Variants in ATP7B observed in about 807,000 individuals in gnomAD.
ATP7B encodes the protein ATPase copper transporting beta.
In ATP7B, 113 loss-of-function variants were observed where a neutral mutation model predicts 118.9. The observed-to-expected ratio is 0.95, with a 90% confidence interval of 0.82 to 1.11. The LOEUF is 1.11. Among genes scored for constraint, ATP7B ranks in the 50% most tolerant of loss-of-function variants. The pLI, the probability that ATP7B is intolerant of heterozygous loss-of-function variation, is 0.00. For missense variants in ATP7B, 1,867 were observed against 1,871.4 expected, an observed-to-expected ratio of 1.00 and a Z score of 0.04; for synonymous variants, 777 against 727.4, an observed-to-expected ratio of 1.07 and a Z score of -1.10.
chr13:51,952,779 C>G (rs921994523), intron 9 of ATP7B, among the ~76,000 whole-genome samples: 1 of 152,188 alleles, frequency 6.6e-6, no homozygotes, highest in Admixed American at 6.5e-5. Context: ...GTGGCTACTT[C>G]CTGTGATTAC....
rs141924296 is a variant in ATP7B at position 51,961,745 on chromosome 13, C to T, written c.1946+92G>A. 7,198 of 1,239,966 alleles carry T rather than the reference C, an allele frequency of 5.8e-3. 44 individuals carry two copies. Among genetic ancestry groups the T allele is most frequent in the Non-Finnish European group, 6.4e-3 (5,363 of 844,104 alleles). The allele number at this position is 1,239,966 out of a possible 1,614,324, so 76.8% of individuals were successfully genotyped here. Reference sequence around the variant, plus strand: ...GGCAGCTAATCCAGGAGGAAGGCACCATGGGAAGACAAGACCAGCTGGCAG... The same window carrying T: ...GGCAGCTAATCCAGGAGGAAGGCACTATGGGAAGACAAGACCAGCTGGCAG... On this transcript the variant is annotated intron_variant, in intron 6 of 20. Coordinates refer to ENST00000242839, the MANE Select transcript of ATP7B (RefSeq NM_000053.4).
intron 13 of ATP7B, among the ~76,000 whole-genome samples, chr13:51,945,158 G>A (rs966447182): frequency 3.9e-5 from 6 of 152,074 alleles, no homozygotes; most frequent in African/African-American, 7.2e-5. Flanking sequence ...CACTGCAGCC[G>A]GAATGATCTT....
At chr13:51,992,451 A>G (rs528400338) in intron 1 of ATP7B, among the ~76,000 whole-genome samples, 21 of 152,334 alleles carry the variant, frequency 1.4e-4, no homozygotes, top group Non-Finnish European at 2.2e-4. Context: ...TACCTACTAA[A>G]GTTGTTAAAA....
At chr13:51,995,035 AGAAG>A (rs1593852351) in intron 1 of ATP7B, among the ~76,000 whole-genome samples, 1 of 152,244 alleles carries the variant, frequency 6.6e-6, no homozygotes. Flanking sequence ...ATTAGTAAAA[AGAAG>A]GAAGGATTCA....
chr13:51,984,407 A>G (rs943642491), intron 1 of ATP7B, among the ~76,000 whole-genome samples: 2 of 152,176 alleles, frequency 1.3e-5, no homozygotes, highest in Admixed American at 6.6e-5. Context: ...AAGAAATATA[A>G]GACTATGTGA....
chr13:52,005,834 C>T (rs1357368938), intron 1 of ATP7B, among the ~76,000 whole-genome samples: 1 of 152,196 alleles, frequency 6.6e-6, no homozygotes, highest in African/African-American at 2.4e-5. Context: ...GGAACAGGCC[C>T]CCCAAAATCT....
In ATP7B at chr13:51,933,198, A is replaced by T. The variant is rs886050298; in HGVS notation, c.*1558T>A. 1.8e-4 allele frequency: 28 copies of T among 152,108 alleles called. No homozygotes were observed. Among genetic ancestry groups the T allele is most frequent in the Non-Finnish European group, 3.1e-4 (21 of 68,014 alleles). The allele number at this position is 152,108 out of a possible 1,614,324, so 9.4% of individuals were successfully genotyped here. ...TTCCTCGTTTATTCTTATCAGGAAA[A>T]CTTCTATTCAAGGTAGAAGGACAAT... On this transcript the variant is annotated 3_prime_UTR_variant, in exon 21 of 21. Coordinates refer to ENST00000242839, the MANE Select transcript of ATP7B (RefSeq NM_000053.4).
chr13:51,995,565 C>T (rs1316242819), intron 1 of ATP7B, among the ~76,000 whole-genome samples: 8 of 152,172 alleles, frequency 5.3e-5, no homozygotes. Flanking sequence ...GAGTTCACGG[C>T]CACGGCTTCC....
At chr13:51,981,449 A>G (rs1952413319) in intron 1 of ATP7B, among the ~76,000 whole-genome samples, 1 of 152,230 alleles carries the variant, frequency 6.6e-6, no homozygotes, top group Admixed American at 6.5e-5. Flanking sequence ...GAGAAGGCAC[A>G]CAAGACACAA....
chr13:51,966,055 C>T (rs1951531307), intron 4 of ATP7B, among the ~76,000 whole-genome samples: 2 of 152,190 alleles, frequency 1.3e-5, no homozygotes, highest in South Asian at 4.1e-4. Flanking sequence ...TGGCAGGTGA[C>T]TGCCAACAGA....
At chr13:52,006,048 G>A (rs928331083) in intron 1 of ATP7B, among the ~76,000 whole-genome samples, 3 of 152,242 alleles carry the variant, frequency 2.0e-5, no homozygotes, top group African/African-American at 7.2e-5. Context: ...TTAAGGGCAT[G>A]TTCCTGCTGC....
upstream of ATP7B, among the ~76,000 whole-genome samples, chr13:52,011,820 G>T (rs957134915): frequency 1.3e-5 from 2 of 152,272 alleles, no homozygotes; most frequent in African/African-American, 4.8e-5. Flanking sequence ...TCACGCGTGT[G>T]CGGGAGCGGG....
rs1048447368 is a variant in ATP7B at position 51,938,987 on chromosome 13, G to A, written c.3699+64C>T. ...ACAGCTCAGTGCTGGGCCAACTGGTGCTTACTTTTGTCTCTAACTGCTTTT... is the reference window on the plus strand; with the variant it reads ...ACAGCTCAGTGCTGGGCCAACTGGTACTTACTTTTGTCTCTAACTGCTTTT... On this transcript the variant is annotated intron_variant, in intron 17 of 20. Coordinates refer to ENST00000242839, the MANE Select transcript of ATP7B (RefSeq NM_000053.4). 6 of 1,613,096 alleles carry A rather than the reference G, an allele frequency of 3.7e-6. No homozygotes were observed. In the East Asian group the frequency reaches 1.3e-4, roughly 36 times the overall value.
intron 20 of ATP7B, 72 bp downstream of exon 20, chr13:51,935,521 A>T: frequency 2.1e-6 from 3 of 1,461,196 alleles, no homozygotes; most frequent in Admixed American, 1.9e-5. Flanking sequence ...GGCAAGTTCC[A>T]CTGTGCTAAG....
intron 1 of ATP7B, among the ~76,000 whole-genome samples, chr13:51,997,993 A>C (rs1172462653): frequency 6.6e-6 from 1 of 152,176 alleles, no homozygotes; most frequent in East Asian, 1.9e-4. Flanking sequence ...CCTAGGCTAC[A>C]GTATTAAGTC....
chr13:51,993,471 G>A (rs553617052), intron 1 of ATP7B, among the ~76,000 whole-genome samples: 1 of 152,194 alleles, frequency 6.6e-6, no homozygotes, highest in South Asian at 2.1e-4. Flanking sequence ...GCTGAGGCAG[G>A]AAAATCATTT....
chr13:51,945,547 C>A (rs1261318405), intron 13 of ATP7B, among the ~76,000 whole-genome samples: 1 of 152,210 alleles, frequency 6.6e-6, no homozygotes, highest in Non-Finnish European at 1.5e-5. Context: ...ACCTGCAGCA[C>A]CCTTGTCCCT....
At chr13:52,011,607 G>A, upstream of ATP7B, 1 of 582,552 alleles carries the variant, frequency 1.7e-6, no homozygotes, top group Non-Finnish European at 3.1e-6. Context: ...CGTGAGGGGA[G>A]AGTGGGCCTC....
chr13:51,943,876 C>T (rs565718194), intron 14 of ATP7B, among the ~76,000 whole-genome samples: 4 of 152,120 alleles, frequency 2.6e-5, no homozygotes, highest in African/African-American at 7.2e-5. Flanking sequence ...CTGAGCCTGG[C>T]GCCTGGTGAT....
Sources: allele counts gnomAD v4.1 joint callset (sites outside exome capture counted in the v4.1 genomes callset), GRCh38; gene constraint gnomAD v4.1.1; transcripts MANE v1.5; gene names NCBI Gene and HGNC (gene_info 2026-07-23, HGNC 2026-07-21).